The following ERF variants were observed in gnomAD, a reference collection of about 807,000 sequenced individuals.
ERF encodes the protein ETS domain-containing transcription factor ERF.
Under a neutral mutation model 41.6 loss-of-function variants are expected in ERF, and 10 were observed. That is an observed-to-expected ratio of 0.24 (90% CI 0.15 to 0.41). ERF has a LOEUF of 0.41. Ranked by LOEUF, ERF falls within the 10% of genes least tolerant of loss-of-function variation. The pLI, the probability that ERF is intolerant of heterozygous loss-of-function variation, is 1.00. For missense variants in ERF, 621 were observed against 763.2 expected (o/e 0.81, Z 2.19); for synonymous variants, 395 against 342.4 (o/e 1.15, Z -1.70).
At position 42,249,966 on chromosome 19, in the gene ERF, G is replaced by A. The variant is rs2036416800; in HGVS notation, c.258-24C>T. 1.9e-6 allele frequency: 3 copies of A among 1,608,194 alleles called. No individual in the cohort carries two copies. The highest frequency in any genetic ancestry group is 1.1e-5 in the South Asian group (1 of 90,938). On this transcript the variant is annotated intron_variant, in intron 2 of 3. Coordinates refer to ENST00000222329, the MANE Select transcript of ERF (RefSeq NM_006494.4). The surrounding 1 kb of genome is among the most constrained non-coding windows in gnomAD (Gnocchi z 8.6). Reference sequence around the variant, plus strand: ...AGCTGTGGGTACAGAAATGCCATTGGGAAGGTCAGGTACGTGGGACCCAGG... The same window carrying A: ...AGCTGTGGGTACAGAAATGCCATTGAGAAGGTCAGGTACGTGGGACCCAGG...
At position 42,248,900 on chromosome 19, in the gene ERF, G is replaced by A; in HGVS notation, c.1212C>T (p.Gly404=). 4 of 1,607,806 alleles carry A rather than the reference G, an allele frequency of 2.5e-6. No individual in the cohort carries two copies. The highest frequency in any genetic ancestry group is 3.4e-6 in the Non-Finnish European group (4 of 1,179,412). Residue 404 remains glycine, a synonymous_variant, in exon 4 of 4, where the codon GGC becomes GGT. Transcript: ENST00000222329. This position sits in a 1 kb window ranked among gnomAD's most constrained non-coding sequence, Gnocchi z 4.2. ...KAVAGADKSG[G]SAGGLAEGAG... The stretch of plus-strand genomic sequence containing the variant: ...CCCCCTCAGCCAGCCCGCCTGCACT[G>A]CCACCGCTCTTGTCAGCACCGGCTA...
Position 42,250,788 on chromosome 19 carries a change from C to G in ERF, c.23-223G>C, listed in dbSNP as rs111769884. On this transcript the variant is annotated intron_variant, in intron 1 of 3. Coordinates refer to ENST00000222329, the MANE Select transcript of ERF (RefSeq NM_006494.4). This position sits in a 1 kb window ranked among gnomAD's most constrained non-coding sequence, Gnocchi z 5.1. ...GAGGGGAAGCTGGAGCCCGCTCCAG[C>G]GACACCGGGAGAAACAGGAAACCGT... Among the ~76,000 whole-genome samples the G allele has an allele frequency of 2.0e-5, 3 of 152,082 alleles. No individual in the cohort carries two copies. Among genetic ancestry groups the G allele is most frequent in the African/African-American group, 7.2e-5 (3 of 41,412 alleles).
In ERF at chr19:42,250,337, G is replaced by A. The variant is rs2036423633; in HGVS notation, c.251C>T (p.Ala84Val). 1.2e-6 allele frequency: 2 copies of A among 1,613,792 alleles called. No individual in the cohort carries two copies. The highest frequency in any genetic ancestry group is 1.7e-6 in the Non-Finnish European group (2 of 1,179,948). Residue 84 changes from alanine (A) to valine (V), a missense_variant, in exon 2 of 4, where the codon GCC (alanine) becomes GTC (valine). Physicochemically the swap from Ala to Val is moderately conservative, Grantham distance 64 (BLOSUM62 0). Transcript: ENST00000222329. The surrounding 1 kb of genome is among the most constrained non-coding windows in gnomAD (Gnocchi z 5.1). Reference protein sequence around the residue: ...PQMNYDKLSRALRYYYNKRIL... With the variant: ...PQMNYDKLSRVLRYYYNKRIL... ...GTCCCCAGCCCGTCCTCACCGCAGGGCCCGGCTCAGCTTGTCGTAATTCAT... is the reference window on the plus strand; with the variant it reads ...GTCCCCAGCCCGTCCTCACCGCAGGACCCGGCTCAGCTTGTCGTAATTCAT...
At position 42,250,781 on chromosome 19, in the gene ERF, G is replaced by A. The variant is rs910804047; in HGVS notation, c.23-216C>T. Among the ~76,000 whole-genome samples the A allele has an allele frequency of 6.6e-6, 1 of 152,166 alleles. No individual in the cohort carries two copies. The highest frequency in any genetic ancestry group is 1.5e-5 in the Non-Finnish European group (1 of 68,008). ...TGGGGGGGAGGGGAAGCTGGAGCCC[G>A]CTCCAGCGACACCGGGAGAAACAGG... On this transcript the variant is annotated intron_variant, in intron 1 of 3. Coordinates refer to ENST00000222329, the MANE Select transcript of ERF (RefSeq NM_006494.4). The surrounding 1 kb of genome is among the most constrained non-coding windows in gnomAD (Gnocchi z 5.1).
Position 42,249,625 on chromosome 19 carries a change from G to C in ERF, c.487C>G (p.Pro163Ala). 6.2e-7 allele frequency: 1 copy of C among 1,612,908 alleles called. No individual in the cohort carries two copies. Among genetic ancestry groups the C allele is most frequent in the Non-Finnish European group, 8.5e-7 (1 of 1,179,580 alleles). ...LSPTEDPRSP[P>A]ACSSSSSSLF... ...GAAGATGAAGATGAAGAGCAGGCTGGTGGTGAGCGGGGGTCCTCGGTGGGG... is the reference window on the plus strand; with the variant it reads ...GAAGATGAAGATGAAGAGCAGGCTGCTGGTGAGCGGGGGTCCTCGGTGGGG... Residue 163 changes from proline (P) to alanine (A), a missense_variant, in exon 4 of 4, where the codon CCA (proline) becomes GCA (alanine). Transcript: ENST00000222329. The surrounding 1 kb of genome is among the most constrained non-coding windows in gnomAD (Gnocchi z 8.6).
In ERF at chr19:42,249,756, G is replaced by A; in HGVS notation, c.374-18C>T. Reference sequence around the variant, plus strand: ...TGCACCCCCTGGCAGAAGGGAGACAGTGTCAAGGCCCCTGGCCTAGCCTGA... The same window carrying A: ...TGCACCCCCTGGCAGAAGGGAGACAATGTCAAGGCCCCTGGCCTAGCCTGA... On this transcript the variant is annotated intron_variant, in intron 3 of 3. Coordinates refer to ENST00000222329, the MANE Select transcript of ERF (RefSeq NM_006494.4). This position sits in a 1 kb window ranked among gnomAD's most constrained non-coding sequence, Gnocchi z 8.6. 2.5e-6 allele frequency: 4 copies of A among 1,610,968 alleles called. No homozygotes were observed. In the South Asian group the frequency reaches 3.3e-5, roughly 13 times the overall value.
chr19:42,254,905 GC>G (rs536126230), intron 1 of ERF, 72 bp downstream of exon 1: 32 of 1,472,326 alleles, frequency 2.2e-5, no homozygotes, highest in African/African-American at 7.5e-5. Flanking sequence ...GACCCCTTCA[GC>G]CCCCCCAAAG....
chr19:42,254,964 G>T lies in ERF; in HGVS notation c.22+14C>A. ...GCAACAAGTCTCCCCCACACGTGCT[G>T]CCCCCGCCCCCACCTGTGTCCGCCG... On this transcript the variant is annotated intron_variant, in intron 1 of 3. Coordinates refer to ENST00000222329, the MANE Select transcript of ERF (RefSeq NM_006494.4). 2 of 1,494,552 alleles carry T rather than the reference G, an allele frequency of 1.3e-6. No individual in the cohort carries two copies. Among genetic ancestry groups the T allele is most frequent in the African/African-American group, 1.5e-5 (1 of 67,472 alleles). 92.6% of individuals were successfully genotyped at this position (1,494,552 alleles called of 1,614,324 possible).
chr19:42,255,060 C>CCCCGT lies in ERF; in HGVS notation c.-66_-62dup, dbSNP rs2036510879. ...GCCGCGGCTCCCGGCGCCCTCGCTG[C>CCCCGT]CCCGTCCCGTCCCGCGCCCGTCGGG... On this transcript the variant is annotated 5_prime_UTR_variant, in exon 1 of 4. Coordinates refer to ENST00000222329, the MANE Select transcript of ERF (RefSeq NM_006494.4). 1.5e-6 allele frequency: 2 copies of CCCCGT among 1,292,866 alleles called. No individual in the cohort carries two copies. Among genetic ancestry groups the CCCCGT allele is most frequent in the Non-Finnish European group, 2.0e-6 (2 of 1,017,554 alleles). The allele number at this position is 1,292,866 out of a possible 1,614,324, so 80.1% of individuals were successfully genotyped here.
intron 1 of ERF, 71 bp downstream of exon 1, chr19:42,254,907 C>A (rs563628338): frequency 4.1e-5 from 60 of 1,480,666 alleles, no homozygotes; most frequent in Admixed American, 2.4e-4. Context: ...CCCCTTCAGC[C>A]CCCCCAAAGT....
chr19:42,249,699 C>A lies in ERF; in HGVS notation c.413G>T (p.Gly138Val). 1 of 1,599,472 alleles carries A rather than the reference C, an allele frequency of 6.3e-7. No individual in the cohort carries two copies. The highest frequency in any genetic ancestry group is 8.5e-7 in the Non-Finnish European group (1 of 1,171,200). ...VPQSAPPVPS[G>V]GSHFRFPPST... ...GGGAGGGAAGCGGAAGTGGCTACCA[C>A]CCGACGGCACTGGCGGGGCACTCTG... The change falls in exon 4 of 4, where the codon GGT becomes GTT. Residue 138 changes from glycine (G) to valine (V), a missense_variant. Coordinates refer to ENST00000222329, the MANE Select transcript of ERF (RefSeq NM_006494.4). This position sits in a 1 kb window ranked among gnomAD's most constrained non-coding sequence, Gnocchi z 8.6.
chr19:42,250,286 G>T lies in ERF; in HGVS notation c.257+45C>A. On this transcript the variant is annotated intron_variant, in intron 2 of 3. Transcript: ENST00000222329. This position sits in a 1 kb window ranked among gnomAD's most constrained non-coding sequence, Gnocchi z 5.1. ...ACAGGCAAGGGGCTGTGCAACCCCG[G>T]GGGGGCACTCCACATGTGCTCAGGG... 6.3e-7 allele frequency: 1 copy of T among 1,595,344 alleles called. No individual in the cohort carries two copies. The highest frequency in any genetic ancestry group is 8.6e-7 in the Non-Finnish European group (1 of 1,167,798).
rs2036426989 is a variant in ERF, at chr19:42,250,529, G to A, written c.59C>T (p.Ser20Leu). 6.2e-7 allele frequency: 1 copy of A among 1,613,574 alleles called. No homozygotes were observed. The highest frequency in any genetic ancestry group is 8.5e-7 in the Non-Finnish European group (1 of 1,180,014). ...AFPDWAYKPE[S>L]SPGSRQIQLW... is the part of the protein sequence containing the mutation. ...CTGGATCTGCCTTGAGCCAGGGGAC[G>A]ACTCTGGCTTGTAGGCCCAATCCGG... The change falls in exon 2 of 4, where the codon TCG (serine) becomes TTG (leucine). Residue 20 changes from serine (S) to leucine (L), a missense_variant. By Grantham distance (145) the Ser-to-Leu change is moderately radical. Transcript: ENST00000222329. The surrounding 1 kb of genome is among the most constrained non-coding windows in gnomAD (Gnocchi z 5.1).
rs748774879 is a variant in ERF at position 42,250,292 on chromosome 19, C to G, written c.257+39G>C. 10 of 1,597,908 alleles carry G rather than the reference C, an allele frequency of 6.3e-6. No individual in the cohort carries two copies. In the South Asian group the frequency reaches 6.7e-5, roughly 11 times the overall value. On this transcript the variant is annotated intron_variant, in intron 2 of 3. Coordinates refer to ENST00000222329, the MANE Select transcript of ERF (RefSeq NM_006494.4). The surrounding 1 kb of genome is among the most constrained non-coding windows in gnomAD (Gnocchi z 5.1). Reference sequence around the variant, plus strand: ...AAGGGGCTGTGCAACCCCGGGGGGGCACTCCACATGTGCTCAGGGGTCCCC... The same window carrying G: ...AAGGGGCTGTGCAACCCCGGGGGGGGACTCCACATGTGCTCAGGGGTCCCC...
At chr19:42,254,045 G>C (rs1316457185) in intron 1 of ERF, 1 of 549,190 alleles carries the variant, frequency 1.8e-6, no homozygotes, top group Non-Finnish European at 2.3e-6. Flanking sequence ...GAGCCCGGGG[G>C]CGGCGGGGGA....
chr19:42,254,194 C>G (rs1047975763), intron 1 of ERF, among the ~76,000 whole-genome samples: 2 of 150,708 alleles, frequency 1.3e-5, no homozygotes, highest in African/African-American at 2.4e-5. Flanking sequence ...AGAGACGGCC[C>G]GCTGAAAGAG....
intron 1 of ERF, among the ~76,000 whole-genome samples, chr19:42,252,088 C>T (rs967316996): frequency 2.6e-5 from 4 of 152,308 alleles, no homozygotes; most frequent in African/African-American, 7.2e-5. Flanking sequence ...AGGTGTTCAA[C>T]CCATTATCCT....
Position 42,255,096 on chromosome 19 carries a change from C to A in ERF, c.-97G>T. Reference sequence around the variant, plus strand: ...CCCGCGCCCGTCGGGCCGCCCTCGCCGCCTCACCCGGCCTCGCCTCTCAGA... The same window carrying A: ...CCCGCGCCCGTCGGGCCGCCCTCGCAGCCTCACCCGGCCTCGCCTCTCAGA... On this transcript the variant is annotated 5_prime_UTR_variant, in exon 1 of 4. Coordinates refer to ENST00000222329, the MANE Select transcript of ERF (RefSeq NM_006494.4). The A allele has an allele frequency of 9.0e-7, 1 of 1,110,184 alleles. No homozygotes were observed. The highest frequency in any genetic ancestry group is 1.2e-6 in the Non-Finnish European group (1 of 868,764). The allele number at this position is 1,110,184 out of a possible 1,614,324, so 68.8% of individuals were successfully genotyped here.
intron 1 of ERF, among the ~76,000 whole-genome samples, chr19:42,252,736 G>A (rs1316624780): frequency 6.6e-6 from 1 of 152,116 alleles, no homozygotes; most frequent in Non-Finnish European, 1.5e-5. Context: ...TTGGGGGGGG[G>A]AGAATGAAGA....
Sources: allele counts gnomAD v4.1 joint callset (sites outside exome capture counted in the v4.1 genomes callset), GRCh38; gene constraint gnomAD v4.1.1; non-coding constraint Gnocchi (gnomAD v3.1); transcripts MANE v1.5; gene names NCBI Gene and HGNC (gene_info 2026-07-23, HGNC 2026-07-21).